Variants in MTOR observed in about 807,000 individuals in gnomAD.
MTOR encodes the protein mechanistic target of rapamycin kinase.
A neutral mutation model predicts 319.8 loss-of-function variants in MTOR; 70 were observed. That is an observed-to-expected ratio of 0.22 (90% CI 0.18 to 0.27). MTOR has a LOEUF of 0.27. Among genes scored for constraint, MTOR ranks in the 10% least tolerant of loss-of-function variants. The pLI, the probability that MTOR is intolerant of heterozygous loss-of-function variation, is 1.00. For synonymous variants in MTOR, 1,183 were observed against 1,211.4 expected (o/e 0.98, Z 0.49); for missense variants, 1,890 against 3,274.4 (o/e 0.58, Z 10.32).
intron 8 of MTOR, among the ~76,000 whole-genome samples, chr1:11,243,521 T>A (rs1013155378): frequency 4.0e-5 from 6 of 151,608 alleles, no homozygotes; most frequent in Non-Finnish European, 5.9e-5. Flanking sequence ...TGAGACCCTG[T>A]CTCTACAAAA....
At position 11,248,073 on chromosome 1, in the gene MTOR, C is replaced by T. The variant is rs758906272; in HGVS notation, c.862G>A (p.Glu288Lys). The T allele has an allele frequency of 5.6e-6, 9 of 1,608,628 alleles. No individual in the cohort carries two copies. The highest frequency in any genetic ancestry group is 7.7e-6 in the Non-Finnish European group (9 of 1,176,450). The change falls in exon 7 of 58, where the codon GAA (glutamate) becomes AAA (lysine). Residue 288 changes from glutamate to lysine, a missense_variant. Physicochemically the swap from Glu to Lys is moderately conservative, Grantham distance 56. Coordinates refer to ENST00000361445, the MANE Select transcript of MTOR (RefSeq NM_004958.4). ...TGTACCAGCTGCTGCTGTGTGATTT[C>T]TTCCATTTCTTCTCTCAGACGCTAT... ...EGERLREEME[E>K]ITQQQLVHDK...
chr1:11,121,365 C>A lies in MTOR; in HGVS notation c.6814G>T (p.Ala2272Ser). 1 of 1,614,008 alleles carries A rather than the reference C, an allele frequency of 6.2e-7. No individual in the cohort carries two copies. Among genetic ancestry groups the A allele is most frequent in the Non-Finnish European group, 8.5e-7 (1 of 1,180,012 alleles). ...AGAGTCAAGTGGTCATAGTCCGGAG[C>A]CATCTGCATCAGGACACAACTGTTC... ...NIEHRIMLRM[A>S]PDYDHLTLMQ... The change falls in exon 49 of 58, where the codon GCT (alanine) becomes TCT (serine). Residue 2272 changes from alanine (A) to serine (S), a missense_variant. Physicochemically the swap from Ala to Ser is moderately conservative, Grantham distance 99. Coordinates refer to ENST00000361445, the MANE Select transcript of MTOR (RefSeq NM_004958.4). This position sits in a 1 kb window ranked among gnomAD's most constrained non-coding sequence, Gnocchi z 4.9.
chr1:11,228,587 A>C, intron 19 of MTOR, 81 bp downstream of exon 19: 1 of 1,550,610 alleles, frequency 6.4e-7, no homozygotes, highest in Non-Finnish European at 8.7e-7. Context: ...AGAATGCACA[A>C]TTAAGAAGCT....
At chr1:11,261,402 G>T (rs1405816347) in intron 1 of MTOR, among the ~76,000 whole-genome samples, 1 of 151,822 alleles carries the variant, frequency 6.6e-6, no homozygotes, top group Non-Finnish European at 1.5e-5. Context: ...AACCCGGGAG[G>T]CGGAGCTTGC....
At chr1:11,108,072 G>A (rs1009901157) in intron 57 of MTOR, 109 bp downstream of exon 57, 16 of 766,922 alleles carry the variant, frequency 2.1e-5, no homozygotes, top group African/African-American at 3.5e-5. Flanking sequence ...AGCTCTAACT[G>A]CCCTTTACAG....
chr1:11,136,216 A>G (rs1395296550), intron 36 of MTOR, among the ~76,000 whole-genome samples: 1 of 152,252 alleles, frequency 6.6e-6, no homozygotes, highest in African/African-American at 2.4e-5. Context: ...GGGGGCCAGG[A>G]CCAACCTCAG....
intron 20 of MTOR, 52 bp from the exon 21 acceptor site, chr1:11,213,618 A>G: frequency 6.4e-7 from 1 of 1,569,140 alleles, no homozygotes; most frequent in Non-Finnish European, 8.7e-7. Flanking sequence ...TTCTGATGAT[A>G]TATGAACAAA....
chr1:11,242,500 CAAAAAAAAAAA>C (rs70977555), intron 9 of MTOR, among the ~76,000 whole-genome samples: 1 of 52,632 alleles, frequency 1.9e-5, no homozygotes, highest in African/African-American at 8.7e-5. Flanking sequence ...GACTCCATCT[CAAAAAAAAAAA>C]AAAAAAAAAA....
At chr1:11,234,613 A>T (rs1647133732) in intron 13 of MTOR, among the ~76,000 whole-genome samples, 1 of 152,194 alleles carries the variant, frequency 6.6e-6, no homozygotes, top group Non-Finnish European at 1.5e-5. Context: ...GTTCTATAAA[A>T]ATGAGGAAAG....
At chr1:11,248,483 G>C (rs1225688227) in intron 6 of MTOR, among the ~76,000 whole-genome samples, 2 of 152,208 alleles carry the variant, frequency 1.3e-5, no homozygotes, top group Admixed American at 6.5e-5. Context: ...GTTAAGGACT[G>C]TCTGATCTCT....
At chr1:11,222,290 G>C (rs1037544810) in intron 19 of MTOR, among the ~76,000 whole-genome samples, 1 of 151,490 alleles carries the variant, frequency 6.6e-6, no homozygotes, top group African/African-American at 2.4e-5. Flanking sequence ...TCTACCTCCC[G>C]GGTTCATGCC....
chr1:11,254,034 G>A (rs1189992290), intron 5 of MTOR, 61 bp from the exon 6 acceptor site: 1 of 1,600,066 alleles, frequency 6.2e-7, no homozygotes. Flanking sequence ...AAGAATACAG[G>A]CCCATCCCAT....
At chr1:11,175,979 C>G in intron 28 of MTOR, among the ~76,000 whole-genome samples, 1 of 152,146 alleles carries the variant, frequency 6.6e-6, no homozygotes, top group East Asian at 1.9e-4. Context: ...AACTCCTGAC[C>G]TCAAATGATC....
rs567635143 is a variant in MTOR at position 11,262,450 on chromosome 1, G to C, written c.-20C>G. The C allele has an allele frequency of 4.8e-4, 73 of 152,702 alleles. No homozygotes were observed. Among genetic ancestry groups the C allele is most frequent in the African/African-American group, 1.7e-3 (72 of 41,576 alleles). 9.5% of individuals were successfully genotyped at this position (152,702 alleles called of 1,614,324 possible). On this transcript the variant is annotated 5_prime_UTR_variant, in exon 1 of 58. Coordinates refer to ENST00000361445, the MANE Select transcript of MTOR (RefSeq NM_004958.4). The stretch of plus-strand genomic sequence containing the variant: ...GTGCCAGGCCCTAGACTCACCGCGC[G>C]GCTTCGGCCAAGGCCTCAGCTGCCG...
chr1:11,251,997 T>G (rs910861199), intron 6 of MTOR, among the ~76,000 whole-genome samples: 1 of 152,156 alleles, frequency 6.6e-6, no homozygotes, highest in African/African-American at 2.4e-5. Context: ...GCCCACTATG[T>G]ATTAGGTGCT....
intron 28 of MTOR, among the ~76,000 whole-genome samples, chr1:11,180,012 A>C (rs1645097125): frequency 6.6e-6 from 1 of 152,170 alleles, no homozygotes. Context: ...CCTGGACTCA[A>C]GTGATCCTCC....
intron 49 of MTOR, among the ~76,000 whole-genome samples, chr1:11,120,195 C>T (rs533322806): frequency 6.6e-6 from 1 of 152,108 alleles, no homozygotes; most frequent in African/African-American, 2.4e-5. Context: ...TTCCGAGTAG[C>T]TGGGCTTACA....
At chr1:11,164,353 A>G (rs79214288) in intron 29 of MTOR, among the ~76,000 whole-genome samples, 269 of 145,674 alleles carry the variant, frequency 1.8e-3, no homozygotes, top group Non-Finnish European at 3.0e-3. Context: ...AAAAAAAAAA[A>G]AGAGAGAGAG....
At chr1:11,210,591 C>T (rs1308478687) in intron 24 of MTOR, among the ~76,000 whole-genome samples, 1 of 152,182 alleles carries the variant, frequency 6.6e-6, no homozygotes, top group African/African-American at 2.4e-5. Flanking sequence ...TAGTGGAATG[C>T]AGCCAGGCTC....
Sources: gnomAD v4.1 joint callset for allele counts (sites outside exome capture counted in the v4.1 genomes callset) on GRCh38, gnomAD v4.1.1 for gene constraint, Gnocchi (gnomAD v3.1) non-coding constraint, MANE v1.5 for transcripts, NCBI Gene and HGNC (gene_info 2026-07-23, HGNC 2026-07-21) for gene names.